The following DCHS2 variants were observed in gnomAD, a reference collection of about 807,000 sequenced individuals.
The protein encoded by DCHS2 is protocadherin-23.
Under a neutral mutation model 182.4 loss-of-function variants are expected in DCHS2, and 142 were observed. The ratio of observed to expected loss-of-function variants is 0.78; its 90% CI spans 0.68 to 0.89. The LOEUF is 0.89. Among genes scored for constraint, DCHS2 ranks in the 40% least tolerant of loss-of-function variants. The pLI is 0.00. For synonymous variants in DCHS2, 1,740 were observed against 1,663.3 expected (o/e 1.05, Z -1.12); for missense variants, 4,319 against 4,198.6 (o/e 1.03, Z -0.79).
chr4:154,323,178 T>C (rs1736143639), intron 7 of DCHS2: 7 of 1,547,402 alleles, frequency 4.5e-6, no homozygotes, highest in South Asian at 1.2e-5. Context: ...TAGCATAATA[T>C]GTTCCTCTAT....
Position 154,489,377 on chromosome 4 carries a change from T to C in DCHS2, c.1979A>G (p.Glu660Gly). 1 of 1,551,264 alleles carries C rather than the reference T, an allele frequency of 6.4e-7. No homozygotes were observed. Among genetic ancestry groups the C allele is most frequent in the East Asian group, 2.4e-5 (1 of 40,888 alleles). The change falls in exon 1 of 20, where the codon GAG becomes GGG. Residue 660 changes from glutamate to glycine, a missense_variant. Coordinates refer to ENST00000357232, the MANE Select transcript of DCHS2 (RefSeq NM_001358235.2). ...GTACACCTGCCTCCAGAAGATGGGC[T>C]CATTGTCATTCACATCATCTACGGT... ...SITVDDVNDN[E>G]PIFWRQVYNA...
intron 1 of DCHS2, among the ~76,000 whole-genome samples, chr4:154,382,431 T>C (rs1438804965): frequency 1.3e-5 from 2 of 152,086 alleles, no homozygotes; most frequent in Admixed American, 1.3e-4. Flanking sequence ...GACATTGGCC[T>C]TGGAAAAAAA....
chr4:154,358,345 A>G (rs1416927601), intron 3 of DCHS2, among the ~76,000 whole-genome samples: 1 of 152,100 alleles, frequency 6.6e-6, no homozygotes, highest in Non-Finnish European at 1.5e-5. Context: ...TAGATTTTCC[A>G]GCATTGTCTT....
At chr4:154,428,199 A>G (rs1733410488) in intron 1 of DCHS2, among the ~76,000 whole-genome samples, 1 of 152,210 alleles carries the variant, frequency 6.6e-6, no homozygotes, top group African/African-American at 2.4e-5. Context: ...CAAGTCATAC[A>G]AAAAAATAAC....
intron 1 of DCHS2, among the ~76,000 whole-genome samples, chr4:154,478,501 G>A (rs1278590169): frequency 6.6e-6 from 1 of 152,120 alleles, no homozygotes; most frequent in Non-Finnish European, 1.5e-5. Context: ...TATTTATTTA[G>A]GCTGTGAACC....
At chr4:154,376,821 G>A (rs1476863411) in intron 2 of DCHS2, among the ~76,000 whole-genome samples, 1 of 152,134 alleles carries the variant, frequency 6.6e-6, no homozygotes, top group Non-Finnish European at 1.5e-5. Flanking sequence ...CCGGACAAAT[G>A]ACTTGGTTTT....
intron 12 of DCHS2, among the ~76,000 whole-genome samples, chr4:154,300,631 A>T (rs1578936260): frequency 6.6e-6 from 1 of 151,962 alleles, no homozygotes; most frequent in Non-Finnish European, 1.5e-5. Context: ...TACAGGCTGC[A>T]GTGAGCTGTG....
chr4:154,299,269 T>G (rs904922545), intron 12 of DCHS2, among the ~76,000 whole-genome samples: 1 of 152,206 alleles, frequency 6.6e-6, no homozygotes, highest in African/African-American at 2.4e-5. Flanking sequence ...ACACTTTGGT[T>G]AGAGTTAGTT....
rs774543824 is a variant in DCHS2 at position 154,298,560 on chromosome 4, G to T, written c.5754C>A (p.His1918Gln). 1 of 1,614,166 alleles carries T rather than the reference G, an allele frequency of 6.2e-7. No homozygotes were observed. Reference protein sequence around the residue: ...LGDPPRSSVIHLQVRVLDAND... With the variant: ...LGDPPRSSVIQLQVRVLDAND... ...TGGCATCCAAAACTCTAACTTGCAG[G>T]TGTATTACAGAGCTCCTAGGTGGAT... The change falls in exon 13 of 20, where the codon CAC (histidine) becomes CAA (glutamine). Residue 1918 changes from histidine to glutamine, a missense_variant. By Grantham distance (24) the His-to-Gln change is conservative. Coordinates refer to ENST00000357232, the MANE Select transcript of DCHS2 (RefSeq NM_001358235.2).
intron 1 of DCHS2, among the ~76,000 whole-genome samples, chr4:154,431,066 T>C (rs930843628): frequency 6.6e-5 from 10 of 152,326 alleles, no homozygotes; most frequent in South Asian, 2.1e-4. Context: ...TGTTTATGTG[T>C]ATTTTAGAAT....
rs1418205117 is a variant in DCHS2, at chr4:154,235,668, G to A, written c.8984C>T (p.Ser2995Leu). Residue 2995 changes from serine to leucine, a missense_variant, in exon 20 of 20, where the codon TCA (serine) becomes TTA (leucine). Transcript: ENST00000357232. ...TAAAAAGGAGACCACCAGGCTGATT[G>A]AAAAGCTGCTGGCGAACACTGCCAA... The part of the protein sequence containing the change: ...TPLAVFASSF[S>L]ISLVVSFLVF... The A allele has an allele frequency of 6.2e-7, 1 of 1,613,980 alleles. No homozygotes were observed.
At chr4:154,457,340 A>T (rs1734809658) in intron 1 of DCHS2, among the ~76,000 whole-genome samples, 1 of 152,180 alleles carries the variant, frequency 6.6e-6, no homozygotes, top group Non-Finnish European at 1.5e-5. Context: ...TAAATCCATC[A>T]AGTCGTGCAA....
At position 154,259,616 on chromosome 4, in the gene DCHS2, G is replaced by A; in HGVS notation, c.6718C>T (p.Pro2240Ser). The change falls in exon 15 of 20, where the codon CCA (proline) becomes TCA (serine). Residue 2240 changes from proline (P) to serine (S), a missense_variant. Pro to Ser is a moderately conservative substitution (Grantham distance 74). Transcript: ENST00000357232. ...TGGTAAATGCTTTGTTCAAAGCATG[G>A]TGAATTATCATTCTCATCCTGTATC... The part of the protein sequence containing the change: ...VLIQDENDNS[P>S]CFEQSIYQAS... The A allele has an allele frequency of 6.2e-7, 1 of 1,613,926 alleles. No homozygotes were observed. Among genetic ancestry groups the A allele is most frequent in the Non-Finnish European group, 8.5e-7 (1 of 1,179,992 alleles).
chr4:154,342,836 T>C (rs906660165), intron 3 of DCHS2, among the ~76,000 whole-genome samples: 1 of 152,204 alleles, frequency 6.6e-6, no homozygotes, highest in Non-Finnish European at 1.5e-5. Context: ...TAATGGCATC[T>C]AGAATGGTGC....
At position 154,491,591 on chromosome 4, in the gene DCHS2, C is replaced by G; in HGVS notation, c.-236G>C. ...TAGCTGCCTCTGCCGCGGCAGCCAC[C>G]TCTTCTGCCCCTGGATTTCTTTAAA... On this transcript the variant is annotated 5_prime_UTR_variant, in exon 1 of 20. Coordinates refer to ENST00000357232, the MANE Select transcript of DCHS2 (RefSeq NM_001358235.2). 7.5e-7 allele frequency: 1 copy of G among 1,341,904 alleles called. No homozygotes were observed. The highest frequency in any genetic ancestry group is 9.5e-7 in the Non-Finnish European group (1 of 1,053,838). 83.1% of individuals were successfully genotyped at this position (1,341,904 alleles called of 1,614,324 possible). A position where few individuals can be genotyped will look rare whatever the true frequency, so the allele number is the denominator to read the frequency against.
intron 9 of DCHS2, among the ~76,000 whole-genome samples, chr4:154,319,473 C>T (rs1735973609): frequency 6.6e-6 from 1 of 151,500 alleles, no homozygotes; most frequent in Non-Finnish European, 1.5e-5. Flanking sequence ...AAAACTCCTA[C>T]AACTAAACAT....
intron 13 of DCHS2, among the ~76,000 whole-genome samples, chr4:154,281,388 T>C (rs1229411505): frequency 1.3e-5 from 2 of 152,068 alleles, no homozygotes; most frequent in Non-Finnish European, 2.9e-5. Flanking sequence ...CCAGTAACAA[T>C]AAGCAATCTG....
chr4:154,491,283 G>GA lies in DCHS2; in HGVS notation c.72_73insT (p.Leu25SerfsTer51), dbSNP rs1728827172. 6.5e-7 allele frequency: 1 copy of GA among 1,549,600 alleles called. No individual in the cohort carries two copies. The highest frequency in any genetic ancestry group is 8.7e-7 in the Non-Finnish European group (1 of 1,145,844). On this transcript the variant is annotated frameshift_variant, in exon 1 of 20. Coordinates refer to ENST00000357232, the MANE Select transcript of DCHS2 (RefSeq NM_001358235.2). LOFTEE classifies it high-confidence loss of function. ...TGGGGTGTATCTCTCCTCCCGGGGA[G>GA]CAGAAGGAGCTTCCCGACCGGAGCC... is the stretch of plus-strand genomic sequence containing the variant.
At chr4:154,360,847 G>C (rs548248943) in intron 3 of DCHS2, among the ~76,000 whole-genome samples, 1 of 152,212 alleles carries the variant, frequency 6.6e-6, no homozygotes, top group Admixed American at 6.5e-5. Flanking sequence ...TTTTTCTGTA[G>C]TGCTAAACTT....
Sources: gnomAD v4.1 joint callset for allele counts (sites outside exome capture counted in the v4.1 genomes callset) on GRCh38, gnomAD v4.1.1 for gene constraint, MANE v1.5 for transcripts, NCBI Gene and HGNC (gene_info 2026-07-23, HGNC 2026-07-21) for gene names.